The following ARHGAP10 variants were observed in gnomAD, a reference collection of about 807,000 sequenced individuals.
ARHGAP10 encodes the protein Rho GTPase activating protein 10, also known as rho GTPase-activating protein 10.
In ARHGAP10, 87 loss-of-function variants were observed where a neutral mutation model predicts 108.6. That is an observed-to-expected ratio of 0.80 (90% CI 0.67 to 0.96). The LOEUF (loss-of-function observed/expected upper bound fraction) is 0.96, where lower values mean the gene tolerates loss of function less well. Among genes scored for constraint, ARHGAP10 ranks in the 40% least tolerant of loss-of-function variants. The pLI, the probability that ARHGAP10 is intolerant of heterozygous loss-of-function variation, is 0.00. For synonymous variants in ARHGAP10, 347 were observed against 341.1 expected (o/e 1.02, Z -0.19); for missense variants, 939 against 954.5 (o/e 0.98, Z 0.21).
chr4:147,810,313 A>C (rs1242745610), intron 1 of ARHGAP10, among the ~76,000 whole-genome samples: 1 of 152,184 alleles, frequency 6.6e-6, no homozygotes, highest in East Asian at 1.9e-4. Context: ...GGTGTTTACT[A>C]GTGATTTCTA....
intron 1 of ARHGAP10, among the ~76,000 whole-genome samples, chr4:147,793,168 G>C (rs1731184816): frequency 2.6e-5 from 4 of 151,844 alleles, no homozygotes; most frequent in East Asian, 1.9e-4. Flanking sequence ...GTATGTATGT[G>C]TGTGTGTGTG....
In ARHGAP10 at chr4:148,067,766, C is replaced by CG. The variant is rs111866164; in HGVS notation, c.2272+3260dup. On this transcript the variant is annotated intron_variant, in intron 22 of 22. Coordinates refer to ENST00000336498, the MANE Select transcript of ARHGAP10 (RefSeq NM_024605.4). ...CTGGGCGGCCTCGTCAGTAGTTATG[C>CG]GTTTGGGATGTGTGCAGCTGTGAGA... Among the ~76,000 whole-genome samples, 1,170 of 152,268 alleles carry CG rather than the reference C, an allele frequency of 7.7e-3. 11 individuals are homozygous for CG. Among genetic ancestry groups the CG allele is most frequent in the African/African-American group, 0.024 (982 of 41,554 alleles).
At chr4:147,964,676 AGTG>A (rs2126996220) in intron 16 of ARHGAP10, among the ~76,000 whole-genome samples, 1 of 152,284 alleles carries the variant, frequency 6.6e-6, no homozygotes, top group South Asian at 2.1e-4. Flanking sequence ...GGCGTGACCC[AGTG>A]ACTAGACCCC....
intron 16 of ARHGAP10, among the ~76,000 whole-genome samples, chr4:147,957,335 G>A (rs1246610110): frequency 6.6e-6 from 1 of 152,154 alleles, no homozygotes; most frequent in Non-Finnish European, 1.5e-5. Flanking sequence ...ACCCTTCTCT[G>A]CACTCATTGC....
At chr4:147,985,428 G>T (rs1033578829) in intron 18 of ARHGAP10, among the ~76,000 whole-genome samples, 5 of 152,150 alleles carry the variant, frequency 3.3e-5, no homozygotes, top group African/African-American at 1.2e-4. Context: ...ATGCAAACCA[G>T]TTCCAGGCCA....
chr4:147,732,485 G>A (rs1396929447), intron 1 of ARHGAP10, 30 bp downstream of exon 1: 1 of 1,606,062 alleles, frequency 6.2e-7, no homozygotes, highest in Admixed American at 1.7e-5. Context: ...CGGACGGGCT[G>A]CGGCGTGGCG....
chr4:148,059,688 C>T (rs1729516403), intron 20 of ARHGAP10, among the ~76,000 whole-genome samples: 2 of 152,128 alleles, frequency 1.3e-5, no homozygotes, highest in South Asian at 4.2e-4. Flanking sequence ...AAGGATGATA[C>T]TGTCAAGAAC....
At chr4:147,748,603 G>A (rs1729023439) in intron 1 of ARHGAP10, among the ~76,000 whole-genome samples, 1 of 152,210 alleles carries the variant, frequency 6.6e-6, no homozygotes, top group Non-Finnish European at 1.5e-5. Flanking sequence ...CATTGATAAT[G>A]ATGGTGGCTT....
intron 10 of ARHGAP10, among the ~76,000 whole-genome samples, chr4:147,892,279 T>TA (rs2126887116): frequency 6.6e-6 from 1 of 152,356 alleles, no homozygotes; most frequent in Non-Finnish European, 1.5e-5. Flanking sequence ...CATGATGCTG[T>TA]ACCGTTTCTC....
chr4:148,002,518 A>G (rs9760912), intron 18 of ARHGAP10, among the ~76,000 whole-genome samples: 9,351 of 152,248 alleles, frequency 0.061, 946 homozygotes, highest in African/African-American at 0.21. Context: ...CTCTGGTAGA[A>G]TTCGGCTGTG....
At chr4:147,921,116 A>G (rs1737214325) in intron 13 of ARHGAP10, among the ~76,000 whole-genome samples, 1 of 152,174 alleles carries the variant, frequency 6.6e-6, no homozygotes, top group South Asian at 2.1e-4. Flanking sequence ...CTGATTCTGG[A>G]TAATAGGTTT....
At chr4:147,830,059 T>C (rs1309178153) in intron 3 of ARHGAP10, among the ~76,000 whole-genome samples, 1 of 152,222 alleles carries the variant, frequency 6.6e-6, no homozygotes, top group Non-Finnish European at 1.5e-5. Context: ...TAAGGAGATG[T>C]GAGGAAGTGT....
intron 15 of ARHGAP10, among the ~76,000 whole-genome samples, chr4:147,947,859 T>C (rs1173806133): frequency 6.6e-6 from 1 of 152,142 alleles, no homozygotes; most frequent in Non-Finnish European, 1.5e-5. Context: ...TTTAGTGTAA[T>C]GAACCCTCAT....
At chr4:147,748,850 T>G (rs1471289773) in intron 1 of ARHGAP10, among the ~76,000 whole-genome samples, 1 of 152,016 alleles carries the variant, frequency 6.6e-6, no homozygotes, top group Non-Finnish European at 1.5e-5. Context: ...TCCTAGCTAC[T>G]TGGGAGGCTG....
At chr4:148,046,150 T>C (rs1003402539) in intron 19 of ARHGAP10, among the ~76,000 whole-genome samples, 3 of 152,250 alleles carry the variant, frequency 2.0e-5, no homozygotes, top group Non-Finnish European at 4.4e-5. Flanking sequence ...TAACTGCTCT[T>C]GTGAGCTCTC....
chr4:147,803,007 G>A (rs1731642753), intron 1 of ARHGAP10, among the ~76,000 whole-genome samples: 1 of 145,948 alleles, frequency 6.9e-6, no homozygotes, highest in Non-Finnish European at 1.5e-5. Context: ...CCTTAGTTTT[G>A]TTTATTGCTT....
rs374739263 is a variant in ARHGAP10 at position 147,924,245 on chromosome 4, C to T, written c.1228+11106C>T. Among the ~76,000 whole-genome samples, 8 of 152,154 alleles carry T rather than the reference C, an allele frequency of 5.3e-5. No individual in the cohort carries two copies. In the East Asian group the frequency reaches 9.6e-4, roughly 18 times the overall value. ...ATAGGGGCACATCCTTCCTCTGAGA[C>T]GGCGAACCCCGAGTCCTTGCCTTTA... On this transcript the variant is annotated intron_variant, in intron 13 of 22. Transcript: ENST00000336498.
intron 13 of ARHGAP10, among the ~76,000 whole-genome samples, chr4:147,921,997 T>C (rs769125770): frequency 3.3e-5 from 5 of 152,112 alleles, no homozygotes; most frequent in Non-Finnish European, 5.9e-5. Context: ...AAAAAGATAA[T>C]GGGCTTGGCC....
At chr4:147,842,094 C>T (rs915753528) in intron 3 of ARHGAP10, among the ~76,000 whole-genome samples, 7 of 151,952 alleles carry the variant, frequency 4.6e-5, no homozygotes, top group South Asian at 2.1e-4. Context: ...CCACCATGCC[C>T]GGCTAATTTT....
Sources: allele counts gnomAD v4.1 joint callset (sites outside exome capture counted in the v4.1 genomes callset), GRCh38; gene constraint gnomAD v4.1.1; transcripts MANE v1.5; gene names NCBI Gene and HGNC (gene_info 2026-07-23, HGNC 2026-07-21).